ANXA7: variants seen among roughly 807,000 people sequenced by gnomAD.
The protein encoded by ANXA7 is annexin A7, also known as annexin VII.
ANXA7 carries 55 observed loss-of-function variants against 64.9 expected under a neutral mutation model. The ratio of observed to expected loss-of-function variants is 0.85; its 90% CI spans 0.68 to 1.06. The LOEUF is 1.06. ANXA7 is among the 50% of genes least tolerant of loss of function. ANXA7 has a pLI of 0.00. For synonymous variants in ANXA7, 200 were observed against 192.4 expected (o/e 1.04, Z -0.33); for missense variants, 548 against 582.1 (o/e 0.94, Z 0.60).
rs150596764 is a variant in ANXA7 at position 73,406,750 on chromosome 10, T to A, written c.-1-5893A>T. ...ATACCTGGCTAATTTTTTGTATTTT[T>A]AGTAAAGACGGGGTTTCGCCATGCT... On this transcript the variant is annotated intron_variant, in intron 1 of 12. Coordinates refer to ENST00000372921, the MANE Select transcript of ANXA7 (RefSeq NM_001156.5). Among the ~76,000 whole-genome samples the A allele has an allele frequency of 7.6e-3, 1,163 of 152,150 alleles. 14 individuals carry two copies. Among genetic ancestry groups the A allele is most frequent in the African/African-American group, 0.026 (1,098 of 41,526 alleles).
At chr10:73,412,982 A>G (rs944096399) in intron 1 of ANXA7, among the ~76,000 whole-genome samples, 1 of 152,106 alleles carries the variant, frequency 6.6e-6, no homozygotes. Context: ...TTTATGGGGG[A>G]AAAAATACAC....
At chr10:73,410,763 G>A (rs1350859145) in intron 1 of ANXA7, among the ~76,000 whole-genome samples, 2 of 143,866 alleles carry the variant, frequency 1.4e-5, no homozygotes, top group African/African-American at 2.6e-5. Flanking sequence ...GCCTGGCAAC[G>A]AGAGCGAGAC....
intron 8 of ANXA7, 113 bp downstream of exon 8, chr10:73,383,464 G>A: frequency 1.6e-6 from 2 of 1,251,812 alleles, no homozygotes; most frequent in South Asian, 1.4e-5. Flanking sequence ...GATGGATGAT[G>A]TGAAATAAAG....
chr10:73,394,911 T>A (rs1249025042), intron 5 of ANXA7, among the ~76,000 whole-genome samples: 1 of 152,216 alleles, frequency 6.6e-6, no homozygotes, highest in Non-Finnish European at 1.5e-5. Flanking sequence ...TTACTTTTAG[T>A]GTTTCATGTT....
At chr10:73,383,748 T>C (rs541570811) in intron 7 of ANXA7, 58 bp from the exon 8 acceptor site, 1 of 1,095,788 alleles carries the variant, frequency 9.1e-7, no homozygotes, top group African/African-American at 1.6e-5. Context: ...GTCACTTAAA[T>C]CTTTTAAGGA....
chr10:73,380,252 A>C (rs773417199), intron 9 of ANXA7, 51 bp from the exon 10 acceptor site: 1 of 1,556,588 alleles, frequency 6.4e-7, no homozygotes, highest in South Asian at 1.2e-5. Context: ...AGTTCTACTA[A>C]ATTTTTTTTT....
intron 1 of ANXA7, among the ~76,000 whole-genome samples, chr10:73,409,180 G>C (rs558796207): frequency 6.6e-6 from 1 of 152,080 alleles, no homozygotes; most frequent in African/African-American, 2.4e-5. Context: ...GGAAAGTAGG[G>C]GAAAGCAATA....
intron 12 of ANXA7, among the ~76,000 whole-genome samples, chr10:73,377,826 CGTGTGTGTGT>C (rs58404250): frequency 3.9e-4 from 48 of 122,518 alleles, no homozygotes; most frequent in Non-Finnish European, 6.6e-4. Flanking sequence ...TAGGTTTCAC[CGTGTGTGTGT>C]GTGTGTGTGT....
rs1053388615 is a variant in ANXA7 at position 73,383,257 on chromosome 10, G to T, written c.836C>A (p.Ser279Ter). The part of the protein sequence containing the change: ...EIREIVRCYQ[S>*]EFGRDLEKDI... Reference sequence around the variant, plus strand: ...CTTTTCAAGGTCTCGTCCAAATTCTGACTGATAACATCTGACAATTTCTCG... The same window carrying T: ...CTTTTCAAGGTCTCGTCCAAATTCTTACTGATAACATCTGACAATTTCTCG... The change falls in exon 9 of 13, where the codon TCA becomes TAA. Residue 279 changes from serine (S) to a stop codon, truncating the protein, a stop_gained. Coordinates refer to ENST00000372921, the MANE Select transcript of ANXA7 (RefSeq NM_001156.5). LOFTEE classifies it high-confidence loss of function. 2.5e-6 allele frequency: 4 copies of T among 1,614,032 alleles called. No individual in the cohort carries two copies. The highest frequency in any genetic ancestry group is 3.4e-6 in the Non-Finnish European group (4 of 1,179,984).
chr10:73,397,078 C>T (rs2055587332), intron 4 of ANXA7, 86 bp downstream of exon 4: 1 of 555,896 alleles, frequency 1.8e-6, no homozygotes, highest in Admixed American at 3.8e-5. Context: ...TGCAGATTAT[C>T]TCAAATATAA....
intron 1 of ANXA7, among the ~76,000 whole-genome samples, chr10:73,411,899 CAT>C (rs2055847315): frequency 6.6e-6 from 1 of 150,462 alleles, no homozygotes; most frequent in South Asian, 2.1e-4. Flanking sequence ...TGAAAAACTG[CAT>C]AGTGTGCTGC....
At chr10:73,410,897 G>A (rs116523249) in intron 1 of ANXA7, among the ~76,000 whole-genome samples, 7,075 of 151,834 alleles carry the variant, frequency 0.047, 503 homozygotes, top group African/African-American at 0.15. Flanking sequence ...GAGACTCCTT[G>A]AAGAGCTAAA....
At chr10:73,398,616 G>A (rs1333358749) in intron 2 of ANXA7, among the ~76,000 whole-genome samples, 1 of 151,648 alleles carries the variant, frequency 6.6e-6, no homozygotes, top group Admixed American at 6.6e-5. Context: ...AGGCAAGAGG[G>A]GTCTGCTTCT....
At chr10:73,394,384 T>A (rs1386529388) in intron 5 of ANXA7, among the ~76,000 whole-genome samples, 1 of 152,196 alleles carries the variant, frequency 6.6e-6, no homozygotes, top group Non-Finnish European at 1.5e-5. Flanking sequence ...GGATTATAAA[T>A]CATGCTGCTA....
At chr10:73,411,034 T>C (rs867482460) in intron 1 of ANXA7, among the ~76,000 whole-genome samples, 3 of 152,156 alleles carry the variant, frequency 2.0e-5, no homozygotes, top group Non-Finnish European at 2.9e-5. Context: ...TGCAAAGATG[T>C]GGAACCAATC....
At chr10:73,391,702 C>A (rs576114105) in intron 5 of ANXA7, among the ~76,000 whole-genome samples, 1 of 152,204 alleles carries the variant, frequency 6.6e-6, no homozygotes, top group East Asian at 1.9e-4. Flanking sequence ...GATAAACTGG[C>A]CCAACTTCCC....
chr10:73,381,857 C>CTACTCACTGTTACA (rs1554815877), intron 9 of ANXA7, among the ~76,000 whole-genome samples: 1 of 151,352 alleles, frequency 6.6e-6, no homozygotes, highest in African/African-American at 2.4e-5. Flanking sequence ...ATTTCCATAT[C>CTACTCACTGTTACA]CACTATCCTT....
At chr10:73,396,404 A>T in intron 5 of ANXA7, 115 bp downstream of exon 5, 2 of 746,016 alleles carry the variant, frequency 2.7e-6, no homozygotes, top group Non-Finnish European at 2.3e-6. Context: ...TAAAGACTTT[A>T]GTCTTCCATT....
rs1301814031 is a variant in ANXA7, at chr10:73,400,819, G to A, written c.38C>T (p.Pro13Leu). ...AATACTTACAGGATATCCAGGGAAA[G>A]GTGGGTAGCCTGTTGGGGGATAGCC... ...YPGYPPTGYP[P>L]FPGYPPAGQE... The change falls in exon 2 of 13, where the codon CCT becomes CTT. Residue 13 changes from proline (P) to leucine (L), a missense_variant. By Grantham distance (98) the Pro-to-Leu change is moderately conservative (BLOSUM62 -3). Coordinates refer to ENST00000372921, the MANE Select transcript of ANXA7 (RefSeq NM_001156.5). 6.2e-7 allele frequency: 1 copy of A among 1,606,204 alleles called. No individual in the cohort carries two copies. The highest frequency in any genetic ancestry group is 8.5e-7 in the Non-Finnish European group (1 of 1,175,810).
Sources: allele counts gnomAD v4.1 joint callset (sites outside exome capture counted in the v4.1 genomes callset), GRCh38; gene constraint gnomAD v4.1.1; transcripts MANE v1.5; gene names NCBI Gene and HGNC (gene_info 2026-07-23, HGNC 2026-07-21).